The following IMMP2L variants were observed in gnomAD, a reference collection of about 807,000 sequenced individuals.
IMMP2L encodes inner mitochondrial membrane peptidase subunit 2, also known as mitochondrial inner membrane protease subunit 2.
A neutral mutation model predicts 19.3 loss-of-function variants in IMMP2L; 18 were observed. That is an observed-to-expected ratio of 0.93 (90% CI 0.64 to 1.38). IMMP2L has a LOEUF of 1.38. IMMP2L is among the 40% of genes most tolerant of loss of function. The pLI, the probability that IMMP2L is intolerant of heterozygous loss-of-function variation, is 0.00. For missense variants in IMMP2L, 233 were observed against 218.2 expected (o/e 1.07, Z -0.43); for synonymous variants, 76 against 73.0 (o/e 1.04, Z -0.21).
intron 3 of IMMP2L, among the ~76,000 whole-genome samples, chr7:111,376,639 A>C (rs772861608): frequency 6.6e-6 from 1 of 152,150 alleles, no homozygotes; most frequent in Non-Finnish European, 1.5e-5. Context: ...AAAAGGTGGA[A>C]ACAATCTAAA....
chr7:111,241,931 G>C (rs564104237), intron 3 of IMMP2L, among the ~76,000 whole-genome samples: 55 of 152,028 alleles, frequency 3.6e-4, no homozygotes, highest in Middle Eastern at 3.4e-3. Flanking sequence ...AAAACATGTT[G>C]TTAAAGTTTA....
chr7:110,978,924 T>C (rs1375382540), intron 3 of IMMP2L, among the ~76,000 whole-genome samples: 1 of 152,048 alleles, frequency 6.6e-6, no homozygotes, highest in African/African-American at 2.4e-5. Flanking sequence ...TTTTGTTTTG[T>C]GTGACTTTTA....
In IMMP2L at chr7:110,877,815, TAACTCTGA is replaced by T. The variant is rs1809232012; in HGVS notation, c.408+8770_408+8777del. Among the ~76,000 whole-genome samples, 1 of 152,122 alleles carries T rather than the reference TAACTCTGA, an allele frequency of 6.6e-6. No homozygotes were observed. The highest frequency in any genetic ancestry group is 2.4e-5 in the African/African-American group (1 of 41,434). On this transcript the variant is annotated intron_variant, in intron 5 of 5. Transcript: ENST00000405709. The surrounding 1 kb of genome is among the most constrained non-coding windows in gnomAD (Gnocchi z 4.0). ...TCAGCACTAGCAAAGTGTGACATTC[TAACTCTGA>T]TTATTCACCAGGTATTTACTCATAA...
At chr7:110,998,441 A>G (rs1432611372) in intron 3 of IMMP2L, among the ~76,000 whole-genome samples, 3 of 152,222 alleles carry the variant, frequency 2.0e-5, no homozygotes, top group South Asian at 2.1e-4. Context: ...CACAAGGCAG[A>G]TGATTCTCTT....
chr7:111,466,748 T>TTGGGAAAAAACTGTC lies in IMMP2L; in HGVS notation c.239+20475_239+20489dup. 1.3e-5 allele frequency among the ~76,000 whole-genome samples: 2 copies of TTGGGAAAAAACTGTC among 152,286 alleles called. 1 individual carries two copies. Among genetic ancestry groups the TTGGGAAAAAACTGTC allele is most frequent in the Admixed American group, 1.3e-4 (2 of 15,284 alleles). ...TCAGCCAAAAGCAGATCAAACATAT[T>TTGGGAAAAAACTGTC]TGGGAAAAAACTGTCTGTACTAAAC... On this transcript the variant is annotated intron_variant, in intron 3 of 5. Coordinates refer to ENST00000405709, the MANE Select transcript of IMMP2L (RefSeq NM_032549.4).
chr7:111,554,880 C>A (rs995741299), intron 1 of IMMP2L, among the ~76,000 whole-genome samples: 1 of 152,104 alleles, frequency 6.6e-6, no homozygotes, highest in South Asian at 2.1e-4. Flanking sequence ...TCCCAAAGTA[C>A]TGGTGCTGCT....
intron 3 of IMMP2L, among the ~76,000 whole-genome samples, chr7:110,965,173 C>T (rs181946453): frequency 1.4e-3 from 215 of 152,130 alleles, no homozygotes; most frequent in African/African-American, 4.9e-3. Context: ...TTAACAGACG[C>T]ATTTCAAGAA....
In IMMP2L at chr7:111,101,890, C is replaced by T. The variant is rs1798020426; in HGVS notation, c.240-138325G>A. Reference sequence around the variant, plus strand: ...TCATTTCTTGGCAGTCAGGTGATATCTGTAGAGTACTAGGTTATGTATCCT... The same window carrying T: ...TCATTTCTTGGCAGTCAGGTGATATTTGTAGAGTACTAGGTTATGTATCCT... On this transcript the variant is annotated intron_variant, in intron 3 of 5. Transcript: ENST00000405709. Among the ~76,000 whole-genome samples, 3 of 151,552 alleles carry T rather than the reference C, an allele frequency of 2.0e-5. 1 individual carries two copies. The South Asian group carries it at 6.2e-4, about 31-fold the overall frequency.
chr7:111,006,520 A>G (rs1420241408), intron 3 of IMMP2L, among the ~76,000 whole-genome samples: 1 of 152,188 alleles, frequency 6.6e-6, no homozygotes, highest in South Asian at 2.1e-4. Flanking sequence ...TGAGGCATCT[A>G]TTAAGCTCAA....
At chr7:111,075,626 T>G (rs745454941) in intron 3 of IMMP2L, among the ~76,000 whole-genome samples, 1 of 152,182 alleles carries the variant, frequency 6.6e-6, no homozygotes, top group South Asian at 2.1e-4. Flanking sequence ...TTTTTGCTGG[T>G]TGCTCTTTCT....
intron 3 of IMMP2L, among the ~76,000 whole-genome samples, chr7:111,391,209 A>C (rs755172460): frequency 6.6e-6 from 1 of 152,122 alleles, no homozygotes; most frequent in African/African-American, 2.4e-5. Context: ...GAAAGACTGC[A>C]AGCATCAGGA....
chr7:111,470,172 G>C lies in IMMP2L; in HGVS notation c.239+17066C>G, dbSNP rs189583714. Among the ~76,000 whole-genome samples, 528 of 152,240 alleles carry C rather than the reference G, an allele frequency of 3.5e-3. 7 individuals carry two copies. Among genetic ancestry groups the C allele is most frequent in the African/African-American group, 0.012 (510 of 41,562 alleles). Reference sequence around the variant, plus strand: ...GAGAAATGCAAATCAAAACCACAATGAGATACCATCTCACACCAGTTAAAA... The same window carrying C: ...GAGAAATGCAAATCAAAACCACAATCAGATACCATCTCACACCAGTTAAAA... On this transcript the variant is annotated intron_variant, in intron 3 of 5. Transcript: ENST00000405709.
intron 3 of IMMP2L, among the ~76,000 whole-genome samples, chr7:110,986,221 AC>A (rs1334879055): frequency 1.3e-5 from 2 of 152,022 alleles, no homozygotes; most frequent in Admixed American, 6.6e-5. Context: ...TAAAAAAAAA[AC>A]AAAGTTTGAG....
chr7:110,722,587 T>C (rs139926512), intron 5 of IMMP2L, among the ~76,000 whole-genome samples: 1 of 152,318 alleles, frequency 6.6e-6, no homozygotes, highest in East Asian at 1.9e-4. Flanking sequence ...GGATCCAATG[T>C]ATTTCCTTTT....
chr7:111,088,505 G>A (rs752309574), intron 3 of IMMP2L, among the ~76,000 whole-genome samples: 1 of 152,008 alleles, frequency 6.6e-6, no homozygotes, highest in African/African-American at 2.4e-5. Flanking sequence ...AGAAAAGAAG[G>A]AGAAGAAGGA....
At chr7:110,751,954 G>A (rs980724236) in intron 5 of IMMP2L, among the ~76,000 whole-genome samples, 4 of 151,900 alleles carry the variant, frequency 2.6e-5, no homozygotes, top group Non-Finnish European at 4.4e-5. Flanking sequence ...CCCAATTGGC[G>A]GGAAAGATTA....
intron 5 of IMMP2L, among the ~76,000 whole-genome samples, chr7:110,814,764 G>T (rs1448096418): frequency 6.7e-6 from 1 of 150,092 alleles, no homozygotes; most frequent in Non-Finnish European, 1.5e-5. Context: ...TCTAATAATT[G>T]ATTGCTCAGA....
chr7:111,400,172 T>C (rs1833287322), intron 3 of IMMP2L, among the ~76,000 whole-genome samples: 1 of 152,090 alleles, frequency 6.6e-6, no homozygotes, highest in Admixed American at 6.6e-5. Flanking sequence ...TCAGAAGAAC[T>C]ATGTCTCAGA....
chr7:111,322,501 C>G (rs976124113), intron 3 of IMMP2L, among the ~76,000 whole-genome samples: 19 of 151,300 alleles, frequency 1.3e-4, no homozygotes, highest in Non-Finnish European at 2.4e-4. Flanking sequence ...TAAGAATTCT[C>G]CATTATGTAG....
Sources: allele counts gnomAD v4.1 joint callset (sites outside exome capture counted in the v4.1 genomes callset), GRCh38; gene constraint gnomAD v4.1.1; non-coding constraint Gnocchi (gnomAD v3.1); transcripts MANE v1.5; gene names NCBI Gene and HGNC (gene_info 2026-07-23, HGNC 2026-07-21).